Variants in UNC5C observed in about 807,000 individuals in gnomAD.
UNC5C encodes the protein unc-5 netrin receptor C, also known as netrin receptor UNC5C.
A neutral mutation model predicts 99.8 loss-of-function variants in UNC5C; 47 were observed. The ratio of observed to expected loss-of-function variants is 0.47; its 90% CI spans 0.37 to 0.60. The LOEUF is 0.60. Ranked by LOEUF, UNC5C falls within the 20% of genes least tolerant of loss-of-function variation. The probability of loss-of-function intolerance (pLI) is 0.00; values close to 1 mark genes in which losing one functional copy is unlikely to be tolerated. For synonymous variants in UNC5C, 487 were observed against 452.2 expected (o/e 1.08, Z -0.98); for missense variants, 1,062 against 1,165.9 (o/e 0.91, Z 1.30).
intron 1 of UNC5C, among the ~76,000 whole-genome samples, chr4:95,523,780 A>G (rs1722426029): frequency 6.6e-6 from 1 of 152,226 alleles, no homozygotes; most frequent in Non-Finnish European, 1.5e-5. Context: ...CCAAATACAT[A>G]ATAAATCAAA....
rs1422856101 is a variant in UNC5C at position 95,356,211 on chromosome 4, A to C, written c.125-20580T>G. ...CCTGTAGCAAAAAAAAAAAAAAAAA[A>C]ACAAAACAAAAAAAAAACAGATTCC... On this transcript the variant is annotated intron_variant, in intron 1 of 15. Coordinates refer to ENST00000453304, the MANE Select transcript of UNC5C (RefSeq NM_003728.4). 1.0e-4 allele frequency among the ~76,000 whole-genome samples: 9 copies of C among 87,748 alleles called. 1 individual carries two copies. The highest frequency in any genetic ancestry group is 2.1e-4 in the Non-Finnish European group (9 of 42,698). 57.6% of individuals were successfully genotyped at this position (87,748 alleles called of 152,430 possible). A position where few individuals can be genotyped will look rare whatever the true frequency, so the allele number is the denominator to read the frequency against.
In UNC5C at chr4:95,394,829, TAA is replaced by T. The variant is rs57312373; in HGVS notation, c.125-59200_125-59199del. Among the ~76,000 whole-genome samples the T allele has an allele frequency of 1.1e-4, 16 of 147,480 alleles. No homozygotes were observed. In the South Asian group the frequency reaches 2.6e-3, roughly 24 times the overall value. On this transcript the variant is annotated intron_variant, in intron 1 of 15. Coordinates refer to ENST00000453304, the MANE Select transcript of UNC5C (RefSeq NM_003728.4). ...ATTGATGAAAAAAATGGAATAAGAATAAAAAAAAAAATAACTTCACTCTCCTC... is the reference window on the plus strand; with the variant it reads ...ATTGATGAAAAAAATGGAATAAGAATAAAAAAAAATAACTTCACTCTCCTC...
intron 1 of UNC5C, among the ~76,000 whole-genome samples, chr4:95,429,288 A>AAC (rs934833036): frequency 1.0e-5 from 1 of 99,886 alleles, no homozygotes; most frequent in African/African-American, 2.8e-5. Context: ...CTTAAAAAAA[A>AAC]AAAAAAAAAC....
intron 1 of UNC5C, among the ~76,000 whole-genome samples, chr4:95,422,752 G>GCA (rs1372441211): frequency 2.3e-3 from 351 of 152,214 alleles, no homozygotes; most frequent in African/African-American, 8.2e-3. Flanking sequence ...ATGTTAATAC[G>GCA]CTATTCTCTT....
intron 1 of UNC5C, among the ~76,000 whole-genome samples, chr4:95,425,488 AT>A (rs917181179): frequency 6.6e-6 from 1 of 151,944 alleles, no homozygotes; most frequent in African/African-American, 2.4e-5. Context: ...CGCCCAGCTA[AT>A]TTTTTTGTAT....
At chr4:95,451,522 G>A (rs10005364) in intron 1 of UNC5C, among the ~76,000 whole-genome samples, 2,300 of 152,200 alleles carry the variant, frequency 0.015, 60 homozygotes, top group African/African-American at 0.052. Flanking sequence ...GTAAAGTAGA[G>A]AAATTGGAAA....
At chr4:95,516,302 C>A (rs1235186192) in intron 1 of UNC5C, among the ~76,000 whole-genome samples, 2 of 152,110 alleles carry the variant, frequency 1.3e-5, no homozygotes, top group Admixed American at 6.5e-5. Context: ...TCAATGTGAA[C>A]CTTGTGGACT....
At chr4:95,531,823 T>C (rs539316213) in intron 1 of UNC5C, among the ~76,000 whole-genome samples, 1 of 152,342 alleles carries the variant, frequency 6.6e-6, no homozygotes, top group Middle Eastern at 3.4e-3. Context: ...GTTGACTTTA[T>C]AGTGGAGAAA....
chr4:95,267,731 C>G (rs1740498347), intron 4 of UNC5C, among the ~76,000 whole-genome samples: 1 of 152,018 alleles, frequency 6.6e-6, no homozygotes, highest in South Asian at 2.1e-4. Flanking sequence ...AATAATTGGA[C>G]TATAACCCCA....
intron 3 of UNC5C, among the ~76,000 whole-genome samples, chr4:95,282,641 A>G (rs4550939): frequency 0.67 from 102,409 of 152,054 alleles, 35,487 homozygotes; most frequent in African/African-American, 0.85. Context: ...TTGGACAAAA[A>G]GAATCTGACC....
chr4:95,179,053 C>A (rs1254282287), intron 14 of UNC5C, among the ~76,000 whole-genome samples: 2 of 152,180 alleles, frequency 1.3e-5, no homozygotes, highest in African/African-American at 2.4e-5. Context: ...TTTCAATAAT[C>A]ATTTATAATA....
At chr4:95,181,951 G>A (rs544412105) in intron 14 of UNC5C, among the ~76,000 whole-genome samples, 5 of 152,278 alleles carry the variant, frequency 3.3e-5, no homozygotes, top group South Asian at 2.1e-4. Context: ...ATACTGGCCC[G>A]CTGTCATTTT....
At chr4:95,461,349 A>G (rs1747594719) in intron 1 of UNC5C, among the ~76,000 whole-genome samples, 1 of 97,608 alleles carries the variant, frequency 1.0e-5, no homozygotes. Context: ...AAGGAGAGAA[A>G]TCAAAAAAAG....
At chr4:95,469,662 T>C (rs1421392638) in intron 1 of UNC5C, among the ~76,000 whole-genome samples, 1 of 152,298 alleles carries the variant, frequency 6.6e-6, no homozygotes, top group African/African-American at 2.4e-5. Context: ...AGCTATGGTA[T>C]ATATCATGCA....
intron 14 of UNC5C, among the ~76,000 whole-genome samples, chr4:95,175,952 CTT>C (rs1243237704): frequency 6.6e-6 from 1 of 151,644 alleles, no homozygotes; most frequent in Non-Finnish European, 1.5e-5. Context: ...TCTTTTTATT[CTT>C]TTTTCTCTAA....
At chr4:95,193,603 C>T (rs528979273) in intron 12 of UNC5C, among the ~76,000 whole-genome samples, 8 of 152,272 alleles carry the variant, frequency 5.3e-5, no homozygotes, top group South Asian at 4.1e-4. Flanking sequence ...TATCATGTGT[C>T]GAAAACCTGC....
At chr4:95,436,773 C>T (rs1746805813) in intron 1 of UNC5C, among the ~76,000 whole-genome samples, 1 of 151,344 alleles carries the variant, frequency 6.6e-6, no homozygotes, top group Admixed American at 6.6e-5. Context: ...GGAAAGATGC[C>T]CTCATGACAT....
intron 1 of UNC5C, among the ~76,000 whole-genome samples, chr4:95,442,445 C>T (rs265020): frequency 8.0e-4 from 118 of 147,102 alleles, no homozygotes; most frequent in South Asian, 5.8e-3. Flanking sequence ...TGGTCTCAAG[C>T]GATCTTCCCT....
chr4:95,191,857 C>A (rs1343471037), intron 12 of UNC5C, among the ~76,000 whole-genome samples: 17 of 144,972 alleles, frequency 1.2e-4, no homozygotes, highest in African/African-American at 4.1e-4. Flanking sequence ...AGCCTCCTCC[C>A]ATGCTCACCT....
Sources: allele counts gnomAD v4.1 joint callset (sites outside exome capture counted in the v4.1 genomes callset), GRCh38; gene constraint gnomAD v4.1.1; transcripts MANE v1.5; gene names NCBI Gene and HGNC (gene_info 2026-07-23, HGNC 2026-07-21).